Variants in NALCN observed in about 807,000 individuals in gnomAD.
NALCN encodes sodium leak channel NALCN.
Under a neutral mutation model 225.3 loss-of-function variants are expected in NALCN, and 111 were observed. The ratio of observed to expected loss-of-function variants is 0.49; its 90% confidence interval spans 0.42 to 0.58. NALCN has a LOEUF of 0.58. Among genes scored for constraint, NALCN ranks in the 20% least tolerant of loss-of-function variants. The probability of loss-of-function intolerance (pLI) is 0.00; values close to 1 mark genes in which losing one functional copy is unlikely to be tolerated. For synonymous variants in NALCN, 764 were observed against 769.0 expected, an observed-to-expected ratio of 0.99 and a Z score of 0.11; for missense variants, 1,378 against 2,202.4, an observed-to-expected ratio of 0.63 and a Z score of 7.49.
At chr13:101,232,750 T>C (rs1247231301) in intron 12 of NALCN, among the ~76,000 whole-genome samples, 2 of 152,144 alleles carry the variant, frequency 1.3e-5, no homozygotes, top group Admixed American at 1.3e-4. Context: ...CCGGCCATCC[T>C]GCTGTAATTC....
chr13:101,161,105 T>C (rs2038162245), intron 15 of NALCN, among the ~76,000 whole-genome samples: 1 of 152,238 alleles, frequency 6.6e-6, no homozygotes, highest in South Asian at 2.1e-4. Context: ...AGAACTTTAC[T>C]AGGACTGAAG....
At chr13:101,363,248 TA>T (rs2046296670) in intron 6 of NALCN, among the ~76,000 whole-genome samples, 1 of 152,030 alleles carries the variant, frequency 6.6e-6, no homozygotes, top group Non-Finnish European at 1.5e-5. Context: ...TCCTAAAATT[TA>T]TATTAAAACA....
intron 42 of NALCN, 41 bp from the exon 43 acceptor site, chr13:101,058,097 C>G (rs753761557): frequency 6.6e-7 from 1 of 1,521,854 alleles, no homozygotes; most frequent in Non-Finnish European, 9.0e-7. Context: ...TCTTTTTAAC[C>G]CTGCGCTCTC....
chr13:101,378,942 A>G (rs2046769737), intron 3 of NALCN, among the ~76,000 whole-genome samples: 1 of 152,178 alleles, frequency 6.6e-6, no homozygotes, highest in Non-Finnish European at 1.5e-5. Flanking sequence ...TTAAAGAACC[A>G]GAAGCCATTG....
chr13:101,068,270 T>G (rs1026684111), intron 38 of NALCN, among the ~76,000 whole-genome samples: 1 of 152,186 alleles, frequency 6.6e-6, no homozygotes, highest in Non-Finnish European at 1.5e-5. Flanking sequence ...ATTCTGTGTA[T>G]AGAGATAGTC....
intron 18 of NALCN, among the ~76,000 whole-genome samples, chr13:101,115,121 T>C (rs764086629): frequency 1.3e-5 from 2 of 152,122 alleles, no homozygotes; most frequent in Non-Finnish European, 2.9e-5. Context: ...AGCATGAAAA[T>C]AATCACGGAC....
intron 7 of NALCN, among the ~76,000 whole-genome samples, chr13:101,319,206 T>C (rs1353773092): frequency 1.3e-5 from 2 of 152,200 alleles, no homozygotes; most frequent in Non-Finnish European, 2.9e-5. Flanking sequence ...TCAGAAACTC[T>C]TTCCTCTGTT....
chr13:101,199,268 C>T (rs1185943253), intron 13 of NALCN, among the ~76,000 whole-genome samples: 1 of 151,464 alleles, frequency 6.6e-6, no homozygotes, highest in African/African-American at 2.4e-5. Flanking sequence ...TGCACATGTA[C>T]CCTAAAATTT....
chr13:101,144,848 G>A lies in NALCN; in HGVS notation c.1888C>T (p.Arg630Cys), dbSNP rs1262630423. 8.1e-6 allele frequency: 13 copies of A among 1,613,052 alleles called. No individual in the cohort carries two copies. The highest frequency in any genetic ancestry group is 1.1e-5 in the South Asian group (1 of 90,910). The change falls in exon 16 of 44, where the codon CGC (arginine) becomes TGC (cysteine). Residue 630 changes from arginine (R) to cysteine (C), a missense_variant. By Grantham distance (180) the Arg-to-Cys change is radical (BLOSUM62 -3). Around this residue, in one of 19 missense-constraint regions of NALCN, gnomAD observed 62 missense variants for 143.6 expected, o/e 0.43. Transcript: ENST00000251127. ...NADTKEKLPL[R>C]LRIFEKFPNR... Reference sequence around the variant, plus strand: ...GGAAATTTTTCAAAGATTCGCAGGCGTAAAGGGAGCTTTTCTTTGGTGTCC... The same window carrying A: ...GGAAATTTTTCAAAGATTCGCAGGCATAAAGGGAGCTTTTCTTTGGTGTCC...
chr13:101,399,257 C>A, intron 1 of NALCN, 92 bp from the exon 2 acceptor site: 1 of 778,854 alleles, frequency 1.3e-6, no homozygotes. Context: ...ATTTGTAAGG[C>A]ATATATGTGT....
chr13:101,061,210 G>T (rs2031908459), intron 41 of NALCN, among the ~76,000 whole-genome samples: 1 of 152,126 alleles, frequency 6.6e-6, no homozygotes, highest in South Asian at 2.1e-4. Context: ...AAGTCAGGAA[G>T]CAGGAAACAT....
intron 14 of NALCN, among the ~76,000 whole-genome samples, chr13:101,184,373 C>A (rs761782597): frequency 2.0e-5 from 3 of 152,088 alleles, no homozygotes; most frequent in Non-Finnish European, 4.4e-5. Context: ...GTCTCACAGG[C>A]GTTTGATTTC....
intron 11 of NALCN, among the ~76,000 whole-genome samples, chr13:101,247,477 G>C (rs994302178): frequency 7.2e-5 from 11 of 151,826 alleles, no homozygotes; most frequent in Non-Finnish European, 8.8e-5. Flanking sequence ...AGAGAAATAA[G>C]AAAATCTCCC....
At chr13:101,109,801 G>A (rs573001002) in intron 20 of NALCN, among the ~76,000 whole-genome samples, 73 of 152,096 alleles carry the variant, frequency 4.8e-4, no homozygotes, top group African/African-American at 8.2e-4. Flanking sequence ...TTGGGTCTCC[G>A]GGATAATGCA....
chr13:101,395,350 G>A lies in NALCN; in HGVS notation c.124C>T (p.Leu42=), dbSNP rs777558392. Residue 42 remains leucine (L), a synonymous_variant, in exon 3 of 44, where the codon CTG becomes TTG. Transcript: ENST00000251127. ...ACGCTGATGATGGCACAGATGCGCA[G>A]CAAAGAGTGAACCCACTGCAATGAT... The part of the protein sequence containing the change: ...WINKPWVHSL[L]RICAIISVIS... The A allele has an allele frequency of 6.2e-6, 10 of 1,613,604 alleles. No individual in the cohort carries two copies. The South Asian group carries it at 7.7e-5, about 12-fold the overall frequency.
At chr13:101,185,718 T>A (rs1449579884) in intron 14 of NALCN, among the ~76,000 whole-genome samples, 1 of 152,196 alleles carries the variant, frequency 6.6e-6, no homozygotes, top group Non-Finnish European at 1.5e-5. Flanking sequence ...CCAGGGGTGA[T>A]GAAATAGCCT....
chr13:101,341,228 G>A (rs12430393), intron 7 of NALCN, among the ~76,000 whole-genome samples: 6,769 of 152,220 alleles, frequency 0.044, 193 homozygotes, highest in Admixed American at 0.079. Flanking sequence ...ATTCTTGATT[G>A]ACTGAATGTT....
intron 10 of NALCN, among the ~76,000 whole-genome samples, chr13:101,268,055 T>C (rs1206089202): frequency 1.3e-5 from 2 of 152,154 alleles, no homozygotes; most frequent in African/African-American, 4.8e-5. Context: ...CTCGAAAGTC[T>C]CCCTCTCTCT....
At chr13:101,260,687 A>C (rs1461580691) in intron 10 of NALCN, among the ~76,000 whole-genome samples, 2 of 152,142 alleles carry the variant, frequency 1.3e-5, no homozygotes, top group Non-Finnish European at 2.9e-5. Context: ...AGAAATGTCT[A>C]TTCAAATCTT....
Sources: allele counts gnomAD v4.1 joint callset (sites outside exome capture counted in the v4.1 genomes callset), GRCh38; gene constraint gnomAD v4.1.1; regional missense constraint gnomAD v4.1.1; transcripts MANE v1.5; gene names NCBI Gene and HGNC (gene_info 2026-07-23, HGNC 2026-07-21).